The following LEPR variants were observed in gnomAD, a reference collection of about 807,000 sequenced individuals.
The protein encoded by LEPR is leptin receptor.
LEPR carries 56 observed loss-of-function variants against 114.7 expected under a neutral mutation model. That is an observed-to-expected ratio of 0.49 (90% CI 0.39 to 0.61). The LOEUF is 0.61. Among genes scored for constraint, LEPR ranks in the 20% least tolerant of loss-of-function variants. The probability of loss-of-function intolerance (pLI) is 0.00; values close to 1 mark genes in which losing one functional copy is unlikely to be tolerated. For missense variants in LEPR, 1,202 were observed against 1,352.9 expected, an observed-to-expected ratio of 0.89 and a Z score of 1.75; for synonymous variants, 443 against 461.4, an observed-to-expected ratio of 0.96 and a Z score of 0.51.
intron 5 of LEPR, among the ~76,000 whole-genome samples, chr1:65,591,819 A>G (rs137915820): frequency 1.7e-4 from 26 of 152,030 alleles, no homozygotes; most frequent in African/African-American, 6.0e-4. Flanking sequence ...TTAGTGTGAA[A>G]ATTGATATGT....
At position 65,621,435 on chromosome 1, in the gene LEPR, AACATT is replaced by A; in HGVS notation, c.2576_2580del (p.Thr859IlefsTer28). ...TTTCCTCTTCCATCTTATTGCTTGGAACATTATTAATATCACACCAAAGGTATTGT... is the reference window on the plus strand; with the variant it reads ...TTTCCTCTTCCATCTTATTGCTTGGAATTAATATCACACCAAAGGTATTGT... On this transcript the variant is annotated frameshift_variant, in exon 18 of 20. Coordinates refer to ENST00000349533, the MANE Select transcript of LEPR (RefSeq NM_002303.6). LOFTEE classifies it high-confidence loss of function. 1 of 1,613,122 alleles carries A rather than the reference AACATT, an allele frequency of 6.2e-7. No homozygotes were observed. Among genetic ancestry groups the A allele is most frequent in the Non-Finnish European group, 8.5e-7 (1 of 1,179,408 alleles).
At chr1:65,631,586 C>T (rs995158984) in intron 19 of LEPR, among the ~76,000 whole-genome samples, 3 of 148,988 alleles carry the variant, frequency 2.0e-5, no homozygotes, top group African/African-American at 7.5e-5. Flanking sequence ...TACATACTGC[C>T]ATTCCAACAG....
At chr1:65,477,482 C>A (rs1176377026) in intron 2 of LEPR, among the ~76,000 whole-genome samples, 1 of 152,196 alleles carries the variant, frequency 6.6e-6, no homozygotes, top group Non-Finnish European at 1.5e-5. Context: ...ACTATTTCCA[C>A]TTCTACACGA....
intron 2 of LEPR, among the ~76,000 whole-genome samples, chr1:65,464,467 G>T (rs1646984773): frequency 6.6e-6 from 1 of 152,166 alleles, no homozygotes; most frequent in Admixed American, 6.5e-5. Flanking sequence ...GTTCATGAGG[G>T]ATATTGGCCT....
intron 5 of LEPR, among the ~76,000 whole-genome samples, chr1:65,590,453 TG>T (rs1327038759): frequency 6.6e-6 from 1 of 151,212 alleles, no homozygotes; most frequent in Non-Finnish European, 1.5e-5. Flanking sequence ...GAGGTAATCA[TG>T]GGGGTGGTTA....
rs72921461 is a variant in LEPR at position 65,470,309 on chromosome 1, G to T, written c.-21+44931G>T. ...CTAGGATTTATGGTAAGCCCCTCAC[G>T]GTGAAAGCACAAAAATCAGAGGCCA... On this transcript the variant is annotated intron_variant, in intron 2 of 19. Transcript: ENST00000349533. Among the ~76,000 whole-genome samples, 889 of 152,284 alleles carry T rather than the reference G, an allele frequency of 5.8e-3. 13 individuals are homozygous for T. Among genetic ancestry groups the T allele is most frequent in the African/African-American group, 0.02 (852 of 41,562 alleles).
chr1:65,558,177 C>G (rs1652957756), intron 2 of LEPR, among the ~76,000 whole-genome samples: 1 of 152,090 alleles, frequency 6.6e-6, no homozygotes, highest in Non-Finnish European at 1.5e-5. Context: ...ATATCAAGAA[C>G]AGGTAGCATA....
intron 2 of LEPR, among the ~76,000 whole-genome samples, chr1:65,472,602 G>A (rs1280025093): frequency 7.9e-6 from 1 of 126,538 alleles, no homozygotes; most frequent in African/African-American, 3.5e-5. Flanking sequence ...AATTAAATGA[G>A]TGTATATATA....
chr1:65,524,005 G>C (rs1195152356), intron 2 of LEPR, among the ~76,000 whole-genome samples: 1 of 152,206 alleles, frequency 6.6e-6, no homozygotes, highest in Non-Finnish European at 1.5e-5. Context: ...GTGGCCACAA[G>C]CCAAAGAATT....
chr1:65,544,568 G>A (rs1651503622), intron 2 of LEPR, among the ~76,000 whole-genome samples: 1 of 151,842 alleles, frequency 6.6e-6, no homozygotes, highest in African/African-American at 2.4e-5. Context: ...GTATGATATT[G>A]GCTATGGGTC....
chr1:65,564,870 C>T (rs1383909797), intron 2 of LEPR, among the ~76,000 whole-genome samples: 1 of 152,190 alleles, frequency 6.6e-6, no homozygotes, highest in African/African-American at 2.4e-5. Flanking sequence ...GGATTTATGA[C>T]ATAGTAGTAC....
chr1:65,595,451 G>T (rs1570776678), intron 6 of LEPR, among the ~76,000 whole-genome samples: 1 of 151,964 alleles, frequency 6.6e-6, no homozygotes, highest in African/African-American at 2.4e-5. Flanking sequence ...GGTATATATT[G>T]TTTTCTCTTT....
chr1:65,640,583 CTT>C lies in LEPR; in HGVS notation c.*3570_*3571del, dbSNP rs1162002939. On this transcript the variant is annotated 3_prime_UTR_variant, in exon 20 of 20. Coordinates refer to ENST00000349533, the MANE Select transcript of LEPR (RefSeq NM_002303.6). ...AGCTACATAAGTAGGTAATTTTACT[CTT>C]TCTTAACCAGTTTAAAACAGTAAAG... The C allele has an allele frequency of 6.6e-6, 1 of 152,152 alleles. No individual in the cohort carries two copies. The highest frequency in any genetic ancestry group is 6.5e-5 in the Admixed American group (1 of 15,278). 9.4% of individuals were successfully genotyped at this position (152,152 alleles called of 1,614,324 possible).
intron 8 of LEPR, among the ~76,000 whole-genome samples, chr1:65,599,355 T>G (rs1656289658): frequency 6.6e-6 from 1 of 152,150 alleles, no homozygotes; most frequent in Non-Finnish European, 1.5e-5. Context: ...CTAGACCTGT[T>G]GCATGCAAAG....
chr1:65,421,033 T>C (rs535152093), intron 1 of LEPR, among the ~76,000 whole-genome samples: 1 of 152,320 alleles, frequency 6.6e-6, no homozygotes, highest in South Asian at 2.1e-4. Context: ...CCTCCACCTC[T>C]CCTGAGTTTT....
At chr1:65,488,022 CTCTT>C (rs1226529625) in intron 2 of LEPR, among the ~76,000 whole-genome samples, 23 of 144,170 alleles carry the variant, frequency 1.6e-4, no homozygotes, top group Middle Eastern at 3.8e-3. Context: ...TCCTTCCTTT[CTCTT>C]TCTTTCTTTG....
intron 14 of LEPR, 63 bp downstream of exon 14, chr1:65,610,359 G>T: frequency 7.6e-7 from 1 of 1,315,206 alleles, no homozygotes; most frequent in Non-Finnish European, 1.1e-6. Flanking sequence ...TTTACTTCAT[G>T]GTCCATAATC....
chr1:65,597,513 C>T (rs772302157), intron 7 of LEPR, among the ~76,000 whole-genome samples: 5 of 151,752 alleles, frequency 3.3e-5, no homozygotes, highest in Admixed American at 1.3e-4. Flanking sequence ...GACATTTGAG[C>T]AAGGATGTGA....
At position 65,609,974 on chromosome 1, in the gene LEPR, A is replaced by C. The variant is rs1456243605; in HGVS notation, c.1780A>C (p.Lys594Gln). 1.2e-6 allele frequency: 2 copies of C among 1,614,196 alleles called. No homozygotes were observed. Among genetic ancestry groups the C allele is most frequent in the Non-Finnish European group, 1.7e-6 (2 of 1,180,016 alleles). The part of the protein sequence containing the change: ...KMYEVYDAKS[K>Q]SVSLPVPDLC... ...GTATGAGGTTTATGATGCAAAATCA[A>C]AATCTGTCAGTCTCCCAGTTCCAGA... The change falls in exon 13 of 20, where the codon AAA becomes CAA. Residue 594 changes from lysine to glutamine, a missense_variant. Lys to Gln is a moderately conservative substitution (Grantham distance 53). Coordinates refer to ENST00000349533, the MANE Select transcript of LEPR (RefSeq NM_002303.6).
Sources: allele counts gnomAD v4.1 joint callset (sites outside exome capture counted in the v4.1 genomes callset), GRCh38; gene constraint gnomAD v4.1.1; transcripts MANE v1.5; gene names NCBI Gene and HGNC (gene_info 2026-07-23, HGNC 2026-07-21).